The following SYNE3 variants were observed in gnomAD, a reference collection of about 807,000 sequenced individuals.
SYNE3 encodes the protein nesprin-3.
In SYNE3, 100 loss-of-function variants were observed where a neutral mutation model predicts 111.2. The observed-to-expected ratio is 0.90, with a 90% CI of 0.77 to 1.06. The LOEUF is 1.06. Ranked by LOEUF, SYNE3 falls within the 50% of genes least tolerant of loss-of-function variation. The pLI, the probability that SYNE3 is intolerant of heterozygous loss-of-function variation, is 0.00. For missense variants in SYNE3, 1,160 were observed against 1,240.3 expected (o/e 0.94, Z 0.97); for synonymous variants, 547 against 533.9 (o/e 1.02, Z -0.34).
intron 17 of SYNE3, among the ~76,000 whole-genome samples, chr14:95,431,369 A>G (rs375207432): frequency 6.6e-6 from 1 of 152,178 alleles, no homozygotes. Flanking sequence ...CCTCGCGCTG[A>G]AAGTTGAGAT....
chr14:95,459,611 C>T (rs374604628), intron 4 of SYNE3, among the ~76,000 whole-genome samples: 8 of 152,106 alleles, frequency 5.3e-5, no homozygotes, highest in African/African-American at 7.2e-5. Context: ...GAAGAGTGAA[C>T]GGGTAAGTGC....
Position 95,409,503 on chromosome 14 carries a change from C to CT in SYNE3, c.*8322dup, listed in dbSNP as rs1282687545. On this transcript the variant is annotated 3_prime_UTR_variant, in exon 18 of 18. Coordinates refer to ENST00000682763, the MANE Select transcript of SYNE3 (RefSeq NM_152592.6). ...TCCTCGGGGGAAACCGAGGTCCCTC[C>CT]TTATGATTGCTGTCTCTCGGCTGGA... 1 of 407,030 alleles carries CT rather than the reference C, an allele frequency of 2.5e-6. No homozygotes were observed. The highest frequency in any genetic ancestry group is 7.1e-5 in the East Asian group (1 of 14,102). The allele number at this position is 407,030 out of a possible 1,614,324, so 25.2% of individuals were successfully genotyped here.
chr14:95,510,301 G>T (rs1890676276), intron 1 of SYNE3, among the ~76,000 whole-genome samples: 1 of 152,098 alleles, frequency 6.6e-6, no homozygotes, highest in Non-Finnish European at 1.5e-5. Context: ...GAGAGCAAGG[G>T]CTGAGACCTG....
At position 95,433,399 on chromosome 14, in the gene SYNE3, G is replaced by A; in HGVS notation, c.2549C>T (p.Ala850Val). ...TRKSKLQELEARVPEGQHLFE... is the reference protein window; with the variant it reads ...TRKSKLQELEVRVPEGQHLFE... ...GAGATGCTGACCTTCTGGCACCCGA[G>A]CCTCCAGCTCCTGGGGGAAACAGCA... The change falls in exon 16 of 18, where the codon GCT becomes GTT. Residue 850 changes from alanine (A) to valine (V), a missense_variant. Coordinates refer to ENST00000682763, the MANE Select transcript of SYNE3 (RefSeq NM_152592.6). 2 of 1,614,078 alleles carry A rather than the reference G, an allele frequency of 1.2e-6. No individual in the cohort carries two copies. The highest frequency in any genetic ancestry group is 8.5e-7 in the Non-Finnish European group (1 of 1,179,948).
intron 1 of SYNE3, among the ~76,000 whole-genome samples, chr14:95,497,503 C>A (rs935757021): frequency 6.6e-6 from 1 of 152,154 alleles, no homozygotes; most frequent in Admixed American, 6.5e-5. Context: ...TTTGTGACAT[C>A]CACCCACTCT....
At chr14:95,454,870 G>T (rs1038004835) in intron 6 of SYNE3, among the ~76,000 whole-genome samples, 1 of 152,118 alleles carries the variant, frequency 6.6e-6, no homozygotes, top group African/African-American at 2.4e-5. Context: ...CTCGGGGGAG[G>T]GCTGGGGAGC....
At chr14:95,421,000 A>ATG (rs1885085011) in intron 17 of SYNE3, among the ~76,000 whole-genome samples, 1 of 152,154 alleles carries the variant, frequency 6.6e-6, no homozygotes, top group African/African-American at 2.4e-5. Flanking sequence ...TAAGTCTCGC[A>ATG]AGATCTGATG....
At chr14:95,481,651 C>T (rs1452781696) in intron 1 of SYNE3, among the ~76,000 whole-genome samples, 1 of 152,196 alleles carries the variant, frequency 6.6e-6, no homozygotes, top group African/African-American at 2.4e-5. Context: ...CGGGACAATG[C>T]AGCCCGCAGG....
At chr14:95,426,007 TGAA>T (rs1885410120) in intron 17 of SYNE3, among the ~76,000 whole-genome samples, 1 of 152,136 alleles carries the variant, frequency 6.6e-6, no homozygotes. Context: ...CTGGTCTTAG[TGAA>T]GAAGTAGCTA....
chr14:95,493,176 T>C (rs140863578), intron 1 of SYNE3, among the ~76,000 whole-genome samples: 164 of 152,294 alleles, frequency 1.1e-3, no homozygotes, highest in African/African-American at 3.8e-3. Context: ...GGGGTGCCAA[T>C]GTAAAGGAAG....
chr14:95,424,098 G>C (rs1885306331), intron 17 of SYNE3, among the ~76,000 whole-genome samples: 1 of 152,128 alleles, frequency 6.6e-6, no homozygotes, highest in South Asian at 2.1e-4. Context: ...TAGAAGGAGA[G>C]ACCTGCATTA....
Position 95,415,494 on chromosome 14 carries a change from T to A in SYNE3, c.*2332A>T, listed in dbSNP as rs1903552512. The A allele has an allele frequency of 6.6e-6, 1 of 152,098 alleles. No homozygotes were observed. Among genetic ancestry groups the A allele is most frequent in the Non-Finnish European group, 1.5e-5 (1 of 68,028 alleles). 9.4% of individuals were successfully genotyped at this position (152,098 alleles called of 1,614,324 possible). On this transcript the variant is annotated 3_prime_UTR_variant, in exon 18 of 18. Transcript: ENST00000682763. ...GATATTTGGAAACCAAGTCACAGGG[T>A]TGTAGGATCTACTTTTTGAACTTTT...
chr14:95,490,824 C>G (rs1255512682), intron 1 of SYNE3, among the ~76,000 whole-genome samples: 3 of 152,260 alleles, frequency 2.0e-5, no homozygotes, highest in Non-Finnish European at 4.4e-5. Flanking sequence ...CCATGCATTG[C>G]CATCCACCTT....
rs118055876 is a variant in SYNE3 at position 95,456,102 on chromosome 14, G to T, written c.790-378C>A. On this transcript the variant is annotated intron_variant, in intron 5 of 17. Coordinates refer to ENST00000682763, the MANE Select transcript of SYNE3 (RefSeq NM_152592.6). ...CGGTTTCATTGTATTTATTTGTGTG[G>T]TTATCTACCTATTTGGAATTGGCAC... The T allele has an allele frequency of 5.6e-5, 19 of 338,124 alleles. 1 individual carries two copies. In the East Asian group the frequency reaches 8.7e-4, roughly 15 times the overall value. The allele number at this position is 338,124 out of a possible 1,614,324, so 20.9% of individuals were successfully genotyped here. A position where few individuals can be genotyped will look rare whatever the true frequency, so the allele number is the denominator to read the frequency against.
Position 95,412,380 on chromosome 14 carries a change from C to A in SYNE3, c.*5446G>T, listed in dbSNP as rs1039397773. On this transcript the variant is annotated 3_prime_UTR_variant, in exon 18 of 18. Coordinates refer to ENST00000682763, the MANE Select transcript of SYNE3 (RefSeq NM_152592.6). ...GTTGGGCATCTTCAATGGCACAAAC[C>A]CTTTTCTTCGTCTGCAAGCTCCCTG... 6.6e-6 allele frequency: 1 copy of A among 152,320 alleles called. No homozygotes were observed. The highest frequency in any genetic ancestry group is 1.5e-5 in the Non-Finnish European group (1 of 68,108). 9.4% of individuals were successfully genotyped at this position (152,320 alleles called of 1,614,324 possible). A position where few individuals can be genotyped will look rare whatever the true frequency, so the allele number is the denominator to read the frequency against.
chr14:95,432,409 C>A (rs1450101472), intron 16 of SYNE3, among the ~76,000 whole-genome samples: 4 of 152,126 alleles, frequency 2.6e-5, no homozygotes, highest in African/African-American at 9.7e-5. Context: ...CTCGGCTGCT[C>A]CCGGGCCAGG....
At chr14:95,436,675 A>T in intron 15 of SYNE3, 145 bp downstream of exon 15, 1 of 966,790 alleles carries the variant, frequency 1.0e-6, no homozygotes, top group Non-Finnish European at 1.5e-6. Flanking sequence ...CTTTGAACCA[A>T]AAAAGTTTAA....
Position 95,417,954 on chromosome 14 carries a change from G to A in SYNE3, c.2800C>T (p.Leu934=), listed in dbSNP as rs1483071119. 1 of 1,613,492 alleles carries A rather than the reference G, an allele frequency of 6.2e-7. No individual in the cohort carries two copies. Among genetic ancestry groups the A allele is most frequent in the Non-Finnish European group, 8.5e-7 (1 of 1,179,920 alleles). The stretch of plus-strand genomic sequence containing the variant: ...AACAGCAGGAGGAGGAACAGCAGCA[G>A]AAGCAGCTGCAGTGGGAGCGCCACA... ...CCVALPLQLL[L]LLFLLLLFLL... is the part of the protein sequence containing the mutation. The change falls in exon 18 of 18, where the codon CTG becomes TTG. Residue 934 remains leucine (L), a synonymous_variant. Coordinates refer to ENST00000682763, the MANE Select transcript of SYNE3 (RefSeq NM_152592.6).
In SYNE3 at chr14:95,439,056, G is replaced by A. The variant is rs769423169; in HGVS notation, c.2353C>T (p.Pro785Ser). ...ACGCGTCGACGATGCCTGGGAATAGGATCCATGGGATTGATGAGAAATCCT... is the reference window on the plus strand; with the variant it reads ...ACGCGTCGACGATGCCTGGGAATAGAATCCATGGGATTGATGAGAAATCCT... Reference protein sequence around the residue: ...KSGFLINPMDPIPRHRRRANL... With the variant: ...KSGFLINPMDSIPRHRRRANL... The change falls in exon 14 of 18, where the codon CCT becomes TCT. Residue 785 changes from proline (P) to serine (S), a missense_variant. Pro to Ser is a moderately conservative substitution (Grantham distance 74). Coordinates refer to ENST00000682763, the MANE Select transcript of SYNE3 (RefSeq NM_152592.6). 2 of 1,614,238 alleles carry A rather than the reference G, an allele frequency of 1.2e-6. No homozygotes were observed. The highest frequency in any genetic ancestry group is 3.3e-5 in the Admixed American group (2 of 60,032).
Sources: gnomAD v4.1 joint callset for allele counts (sites outside exome capture counted in the v4.1 genomes callset) on GRCh38, gnomAD v4.1.1 for gene constraint, MANE v1.5 for transcripts, NCBI Gene and HGNC (gene_info 2026-07-23, HGNC 2026-07-21) for gene names.